The following ZCCHC7 variants were observed in gnomAD, a reference collection of about 807,000 sequenced individuals.
The protein encoded by ZCCHC7 is zinc finger CCHC domain-containing protein 7.
In ZCCHC7, 35 loss-of-function variants were observed where a neutral mutation model predicts 52.0. That is an observed-to-expected ratio of 0.67 (90% CI 0.51 to 0.89). The LOEUF is 0.89. Ranked by LOEUF, ZCCHC7 falls within the 40% of genes least tolerant of loss-of-function variation. The pLI, the probability that ZCCHC7 is intolerant of heterozygous loss-of-function variation, is 0.00. For missense variants in ZCCHC7, 574 were observed against 649.1 expected (o/e 0.88, Z 1.26); for synonymous variants, 217 against 221.5 (o/e 0.98, Z 0.18).
intron 2 of ZCCHC7, among the ~76,000 whole-genome samples, chr9:37,216,028 T>C (rs969644823): frequency 1.3e-5 from 2 of 152,196 alleles, no homozygotes; most frequent in African/African-American, 4.8e-5. Context: ...AATAATCCTT[T>C]TGCTACACTC....
chr9:37,281,336 AAG>A (rs893457282), intron 2 of ZCCHC7, among the ~76,000 whole-genome samples: 1 of 152,334 alleles, frequency 6.6e-6, no homozygotes, highest in African/African-American at 2.4e-5. Flanking sequence ...TTTTATTAAA[AAG>A]AGAGAAAAAT....
intron 5 of ZCCHC7, among the ~76,000 whole-genome samples, chr9:37,311,081 G>A (rs1023591968): frequency 8.6e-5 from 13 of 151,792 alleles, no homozygotes; most frequent in Non-Finnish European, 1.2e-4. Flanking sequence ...GATCAAGAAA[G>A]CAGTATAGAA....
intron 2 of ZCCHC7, among the ~76,000 whole-genome samples, chr9:37,239,445 C>A (rs549125681): frequency 6.6e-6 from 1 of 152,036 alleles, no homozygotes; most frequent in Non-Finnish European, 1.5e-5. Context: ...CCTTCATGTT[C>A]TAGTCCTTTG....
intron 2 of ZCCHC7, among the ~76,000 whole-genome samples, chr9:37,176,324 C>T (rs947633108): frequency 3.3e-5 from 5 of 152,126 alleles, no homozygotes; most frequent in East Asian, 1.9e-4. Flanking sequence ...CCGCCTGCCT[C>T]GGCCTCCCAA....
chr9:37,287,616 C>G (rs1828315139), intron 2 of ZCCHC7, among the ~76,000 whole-genome samples: 1 of 152,046 alleles, frequency 6.6e-6, no homozygotes, highest in Non-Finnish European at 1.5e-5. Flanking sequence ...AGGAAGTACA[C>G]AAAAACAGGT....
At chr9:37,239,222 G>A (rs1319870815) in intron 2 of ZCCHC7, among the ~76,000 whole-genome samples, 1 of 151,974 alleles carries the variant, frequency 6.6e-6, no homozygotes, top group Non-Finnish European at 1.5e-5. Context: ...ATTATTAACT[G>A]GCTAGTGTTT....
intron 6 of ZCCHC7, 142 bp from the exon 7 acceptor site, chr9:37,349,215 A>G (rs543144371): frequency 4.5e-6 from 3 of 664,450 alleles, no homozygotes; most frequent in Middle Eastern, 2.5e-4. Flanking sequence ...ACTTTAATAT[A>G]TGGAATCGCC....
intron 2 of ZCCHC7, among the ~76,000 whole-genome samples, chr9:37,298,206 G>T (rs1002820620): frequency 6.6e-6 from 1 of 152,196 alleles, no homozygotes; most frequent in African/African-American, 2.4e-5. Context: ...GTAATTGTCT[G>T]TATGTGTAAT....
At chr9:37,194,166 G>A (rs573226898) in intron 2 of ZCCHC7, among the ~76,000 whole-genome samples, 18 of 152,280 alleles carry the variant, frequency 1.2e-4, no homozygotes, top group African/African-American at 4.3e-4. Context: ...TACTTGCTAT[G>A]CTAGGATAGT....
intron 6 of ZCCHC7, among the ~76,000 whole-genome samples, chr9:37,345,794 A>G (rs2118550233): frequency 2.0e-5 from 3 of 152,306 alleles, no homozygotes; most frequent in Admixed American, 2.0e-4. Context: ...TAATTGCAGA[A>G]TATAAAACGG....
chr9:37,345,820 T>C (rs1820929179), intron 6 of ZCCHC7, among the ~76,000 whole-genome samples: 1 of 152,250 alleles, frequency 6.6e-6, no homozygotes, highest in South Asian at 2.1e-4. Context: ...ATTTTTATTA[T>C]ATCTCAATTG....
At chr9:37,247,683 A>T (rs1250420701) in intron 2 of ZCCHC7, among the ~76,000 whole-genome samples, 1 of 152,152 alleles carries the variant, frequency 6.6e-6, no homozygotes, top group African/African-American at 2.4e-5. Flanking sequence ...CCAAGGTAGG[A>T]GAATTGCATT....
chr9:37,342,374 G>C (rs1167069758), intron 6 of ZCCHC7, among the ~76,000 whole-genome samples: 1 of 152,204 alleles, frequency 6.6e-6, no homozygotes, highest in Non-Finnish European at 1.5e-5. Context: ...TGAGGTGCCT[G>C]TTCGACATTC....
At chr9:37,266,508 T>C (rs1200501184) in intron 2 of ZCCHC7, among the ~76,000 whole-genome samples, 1 of 152,178 alleles carries the variant, frequency 6.6e-6, no homozygotes, top group Non-Finnish European at 1.5e-5. Flanking sequence ...AAAATAGAGC[T>C]TTACACTCCT....
At chr9:37,280,962 C>CATCT in intron 2 of ZCCHC7, among the ~76,000 whole-genome samples, 1 of 152,144 alleles carries the variant, frequency 6.6e-6, no homozygotes, top group Non-Finnish European at 1.5e-5. Context: ...AGATGTAATA[C>CATCT]ATATGGCAAC....
intron 5 of ZCCHC7, among the ~76,000 whole-genome samples, chr9:37,316,868 CTTT>C (rs34953424): frequency 5.0e-5 from 7 of 140,272 alleles, no homozygotes; most frequent in Non-Finnish European, 6.1e-5. Flanking sequence ...ACATAAGCCT[CTTT>C]TTTTTTTTTT....
At chr9:37,277,364 G>C (rs1405914320) in intron 2 of ZCCHC7, among the ~76,000 whole-genome samples, 1 of 152,032 alleles carries the variant, frequency 6.6e-6, no homozygotes, top group East Asian at 1.9e-4. Flanking sequence ...AATCTGGCCA[G>C]ACCTGGATGG....
At chr9:37,190,218 C>G (rs993402433) in intron 2 of ZCCHC7, among the ~76,000 whole-genome samples, 1 of 152,186 alleles carries the variant, frequency 6.6e-6, no homozygotes, top group Non-Finnish European at 1.5e-5. Flanking sequence ...GACCCCACTG[C>G]TGCTGCTGTC....
intron 2 of ZCCHC7, among the ~76,000 whole-genome samples, chr9:37,154,265 T>C (rs1820692655): frequency 6.6e-6 from 1 of 152,122 alleles, no homozygotes; most frequent in Admixed American, 6.5e-5. Context: ...GTAATGAAAA[T>C]AACAGTGCTT....
Sources: allele counts gnomAD v4.1 joint callset (sites outside exome capture counted in the v4.1 genomes callset), GRCh38; gene constraint gnomAD v4.1.1; transcripts MANE v1.5; gene names NCBI Gene and HGNC (gene_info 2026-07-23, HGNC 2026-07-21).